Variants in HOXC5 observed in about 807,000 individuals in gnomAD.
HOXC5 encodes homeobox protein Hox-C5.
A neutral mutation model predicts 20.1 loss-of-function variants in HOXC5; 19 were observed. The observed-to-expected ratio is 0.94, with a 90% CI of 0.66 to 1.38. HOXC5 has a LOEUF of 1.38. Ranked by LOEUF, HOXC5 falls within the 40% of genes most tolerant of loss-of-function variation. HOXC5 has a pLI of 0.00. For synonymous variants in HOXC5, 124 were observed against 117.0 expected, an observed-to-expected ratio of 1.06 and a Z score of -0.39; for missense variants, 330 against 300.1, an observed-to-expected ratio of 1.10 and a Z score of -0.74.
At chr12:54,026,953 C>T in the HOXC5 span, among the ~76,000 whole-genome samples, 41 of 107,430 alleles carry the variant, frequency 3.8e-4, no homozygotes, top group Non-Finnish European at 6.9e-4. Flanking sequence ...CCCCAACCCA[C>T]CCAAAAATGG....
In HOXC5 at chr12:54,034,297, C is replaced by T. The variant is rs775520310; in HGVS notation, c.474C>T (p.Ser158=). 6.2e-7 allele frequency: 1 copy of T among 1,613,900 alleles called. No individual in the cohort carries two copies. The highest frequency in any genetic ancestry group is 8.5e-7 in the Non-Finnish European group (1 of 1,179,994). ...HMSHETDGKR[S]RTSYTRYQTL... ...TTCCAGAGACGGACGGCAAGCGGTCCCGAACCAGTTACACGCGCTACCAGA... is the reference window on the plus strand; with the variant it reads ...TTCCAGAGACGGACGGCAAGCGGTCTCGAACCAGTTACACGCGCTACCAGA... Residue 158 remains serine, a synonymous_variant, in exon 2 of 2, where the codon TCC becomes TCT. Transcript: ENST00000312492.
upstream of HOXC5, among the ~76,000 whole-genome samples, chr12:54,029,399 C>T: frequency 4.1e-5 from 2 of 49,124 alleles, no homozygotes; most frequent in African/African-American, 9.8e-5. Flanking sequence ...TTGCCTTTTG[C>T]CCCGCCCCCC....
chr12:54,019,319 C>T, the HOXC5 span, among the ~76,000 whole-genome samples: 1 of 152,170 alleles, frequency 6.6e-6, no homozygotes, highest in Non-Finnish European at 1.5e-5. Context: ...CTGCCGCGCG[C>T]TCTCCCGCCG....
chr12:54,029,410 C>G (rs1565741985), upstream of HOXC5, among the ~76,000 whole-genome samples: 6 of 87,918 alleles, frequency 6.8e-5, no homozygotes, highest in South Asian at 4.7e-4. Context: ...CCCGCCCCCC[C>G]GCCCCCCCCC....
the HOXC5 span, among the ~76,000 whole-genome samples, chr12:54,027,237 C>T: frequency 6.6e-6 from 1 of 152,172 alleles, no homozygotes; most frequent in Non-Finnish European, 1.5e-5. Context: ...GCTGAGAGGC[C>T]CATCCCCACC....
upstream of HOXC5, chr12:54,030,063 G>GTT (rs1380111827): frequency 5.7e-5 from 69 of 1,211,754 alleles, no homozygotes; most frequent in Non-Finnish European, 7.6e-5. Context: ...CAATTGATGT[G>GTT]TTTTGATTCC....
upstream of HOXC5, chr12:54,028,259 A>ATTT (rs1489225541): frequency 4.7e-5 from 8 of 168,478 alleles, no homozygotes; most frequent in African/African-American, 2.1e-4. Context: ...ATATATATAT[A>ATTT]TATATATATT....
chr12:54,022,072 AGCCCTTCCCTT>A, the HOXC5 span: 1 of 152,222 alleles, frequency 6.6e-6, no homozygotes, highest in Non-Finnish European at 1.5e-5. Context: ...ACTTCTGAGC[AGCCCTTCCCTT>A]GCCTAGGCTT....
chr12:54,028,564 G>T (rs181552044), upstream of HOXC5: 1 of 1,614,064 alleles, frequency 6.2e-7, no homozygotes, highest in Admixed American at 1.7e-5. Context: ...CTGCCACCTC[G>T]CCGGGGGCCA....
At chr12:54,032,380 A>G (rs898895336), upstream of HOXC5, among the ~76,000 whole-genome samples, 4 of 152,174 alleles carry the variant, frequency 2.6e-5, no homozygotes, top group Admixed American at 6.5e-5. Flanking sequence ...GCTGATAGGC[A>G]CCTCTTCAGC....
chr12:54,022,382 C>T, the HOXC5 span: 1 of 152,172 alleles, frequency 6.6e-6, no homozygotes, highest in African/African-American at 2.4e-5. Context: ...CTATATGTCT[C>T]CAATCCTGCC....
chr12:54,019,301 T>G, the HOXC5 span, among the ~76,000 whole-genome samples: 1 of 151,260 alleles, frequency 6.6e-6, no homozygotes, highest in African/African-American at 2.4e-5. Flanking sequence ...GCCCGCCGCC[T>G]GCTCAGGCTG....
At chr12:54,033,821 A>T (rs944679140) in intron 1 of HOXC5, 51 of 554,028 alleles carry the variant, frequency 9.2e-5, no homozygotes, top group East Asian at 5.2e-4. Context: ...GGAGGGAGTT[A>T]AAAAAATAGA....
chr12:54,033,668 A>T (rs911577269), intron 1 of HOXC5, 92 bp downstream of exon 1: 14 of 1,139,448 alleles, frequency 1.2e-5, no homozygotes, highest in Non-Finnish European at 1.7e-5. Flanking sequence ...TGCGGCCATA[A>T]ATTTTACGAT....
At chr12:54,022,291 C>T in the HOXC5 span, 2 of 152,178 alleles carry the variant, frequency 1.3e-5, no homozygotes, top group African/African-American at 4.8e-5. Flanking sequence ...TCTTCTCCCA[C>T]ACTCCCTCTC....
upstream of HOXC5, chr12:54,029,663 T>C (rs1036729726): frequency 6.2e-7 from 1 of 1,612,612 alleles, no homozygotes. Context: ...AGGGGTCGGC[T>C]ACGGAGCGGA....
In HOXC5 at chr12:54,033,187, A is replaced by G. The variant is rs778510008; in HGVS notation, c.65A>G (p.Gln22Arg). ...QSPNIPAYNMQTCGNYGSASE... is the reference protein window; with the variant it reads ...QSPNIPAYNMRTCGNYGSASE... Reference sequence around the variant, plus strand: ...CCCAATATCCCTGCCTATAACATGCAAACTTGTGGGAACTATGGATCGGCC... The same window carrying G: ...CCCAATATCCCTGCCTATAACATGCGAACTTGTGGGAACTATGGATCGGCC... The change falls in exon 1 of 2, where the codon CAA becomes CGA. Residue 22 changes from glutamine (Q) to arginine (R), a missense_variant. Physicochemically the swap from Gln to Arg is conservative, Grantham distance 43. Coordinates refer to ENST00000312492, the MANE Select transcript of HOXC5 (RefSeq NM_018953.4). The G allele has an allele frequency of 6.2e-7, 1 of 1,614,160 alleles. No homozygotes were observed. Among genetic ancestry groups the G allele is most frequent in the East Asian group, 2.2e-5 (1 of 44,874 alleles).
upstream of HOXC5, chr12:54,032,848 C>G (rs1941039493): frequency 3.7e-6 from 1 of 273,676 alleles, no homozygotes; most frequent in East Asian, 6.6e-5. Context: ...CTCCCTCTCC[C>G]CCTTGGTTGG....
upstream of HOXC5, chr12:54,029,912 G>A: frequency 6.2e-7 from 1 of 1,605,470 alleles, no homozygotes; most frequent in Non-Finnish European, 8.5e-7. Flanking sequence ...CAGCCTGGGC[G>A]GAAAAGAGGA....
Sources: allele counts gnomAD v4.1 joint callset (sites outside exome capture counted in the v4.1 genomes callset), GRCh38; gene constraint gnomAD v4.1.1; transcripts MANE v1.5; gene names NCBI Gene and HGNC (gene_info 2026-07-23, HGNC 2026-07-21).